Variants in MROH9 observed in about 807,000 individuals in gnomAD.
MROH9 encodes the protein maestro heat-like repeat-containing protein family member 9.
MROH9 carries 92 observed loss-of-function variants against 98.2 expected under a neutral mutation model. That is an observed-to-expected ratio of 0.94 (90% confidence interval 0.79 to 1.11). The LOEUF (loss-of-function observed/expected upper bound fraction) is 1.11, where lower values mean the gene tolerates loss of function less well. MROH9 is among the 50% of genes most tolerant of loss of function. MROH9 has a pLI of 0.00. For missense variants in MROH9, 1,057 were observed against 1,014.8 expected (o/e 1.04, Z -0.57); for synonymous variants, 397 against 368.9 (o/e 1.08, Z -0.87).
intron 20 of MROH9, among the ~76,000 whole-genome samples, chr1:171,037,407 A>C (rs758506883): frequency 1.3e-5 from 2 of 151,908 alleles, no homozygotes; most frequent in Non-Finnish European, 2.9e-5. Flanking sequence ...AAACTTTAAA[A>C]TACATGCAAT....
In MROH9 at chr1:170,983,537, A is replaced by T. The variant is rs770070716; in HGVS notation, c.729+3A>T. 3.7e-5 allele frequency: 58 copies of T among 1,561,842 alleles called. No individual in the cohort carries two copies. Among genetic ancestry groups the T allele is most frequent in the Non-Finnish European group, 4.9e-5 (56 of 1,133,956 alleles). ...AAGACGAAAGTAAAATAGCTCAGGTAACTTAGCCCCCACTTTTTCCGAGGG... is the reference window on the plus strand; with the variant it reads ...AAGACGAAAGTAAAATAGCTCAGGTTACTTAGCCCCCACTTTTTCCGAGGG... On this transcript the variant is annotated splice_donor_region_variant and intron_variant, in intron 9 of 21. Coordinates refer to ENST00000367759, the MANE Select transcript of MROH9 (RefSeq NM_001163629.2).
intron 3 of MROH9, among the ~76,000 whole-genome samples, chr1:170,957,030 T>TTG (rs1649791427): frequency 6.6e-6 from 1 of 151,230 alleles, no homozygotes. Flanking sequence ...TTTTTTTTTT[T>TTG]GCCATTGAAT....
chr1:170,999,768 T>G (rs781560893), intron 15 of MROH9, among the ~76,000 whole-genome samples: 1 of 152,180 alleles, frequency 6.6e-6, no homozygotes, highest in African/African-American at 2.4e-5. Flanking sequence ...CAGTTTTCCA[T>G]AGTGGCTGTA....
intron 20 of MROH9, among the ~76,000 whole-genome samples, chr1:171,051,819 T>C (rs561805854): frequency 1.6e-4 from 24 of 152,368 alleles, no homozygotes; most frequent in Admixed American, 6.5e-4. Flanking sequence ...ATTTTCTTTC[T>C]GTTTTGTACC....
chr1:171,024,842 T>C (rs1652654473), intron 19 of MROH9, 77 bp downstream of exon 19: 3 of 852,782 alleles, frequency 3.5e-6, no homozygotes, highest in Admixed American at 4.5e-5. Flanking sequence ...ATAAAAACTG[T>C]AATGGGGATA....
chr1:170,965,067 A>G (rs1425493406), intron 6 of MROH9, 84 bp from the exon 7 acceptor site: 1 of 877,278 alleles, frequency 1.1e-6, no homozygotes, highest in African/African-American at 1.7e-5. Flanking sequence ...GGAAGGCCTG[A>G]TTTGGTGAAG....
chr1:170,998,399 G>A (rs778799703), intron 15 of MROH9, 125 bp downstream of exon 15: 1 of 1,608,266 alleles, frequency 6.2e-7, no homozygotes, highest in Non-Finnish European at 8.5e-7. Flanking sequence ...TTAAGATCAT[G>A]AAAGATATCT....
At chr1:170,995,254 C>G (rs1209593576) in intron 12 of MROH9, 135 bp from the exon 13 acceptor site, 2 of 830,580 alleles carry the variant, frequency 2.4e-6, no homozygotes, top group Non-Finnish European at 3.9e-6. Flanking sequence ...GAATGGATAC[C>G]CATATGTGCT....
chr1:171,027,875 C>T (rs192905777), intron 20 of MROH9, among the ~76,000 whole-genome samples: 1 of 152,144 alleles, frequency 6.6e-6, no homozygotes, highest in Non-Finnish European at 1.5e-5. Flanking sequence ...CTATTCATAT[C>T]CTTTGCCCAC....
intron 17 of MROH9, among the ~76,000 whole-genome samples, chr1:171,020,411 C>T (rs1652478748): frequency 6.6e-6 from 1 of 152,140 alleles, no homozygotes; most frequent in African/African-American, 2.4e-5. Context: ...AAAACTTATC[C>T]ACCATGATCA....
intron 14 of MROH9, among the ~76,000 whole-genome samples, chr1:170,997,035 C>T (rs1299725958): frequency 1.3e-5 from 2 of 152,030 alleles, no homozygotes; most frequent in Non-Finnish European, 2.9e-5. Context: ...ACTCAACAAG[C>T]CAAATAAATT....
intron 20 of MROH9, among the ~76,000 whole-genome samples, chr1:171,047,017 A>G (rs1367463604): frequency 6.6e-6 from 1 of 152,166 alleles, no homozygotes. Flanking sequence ...GGGTTCCACT[A>G]AAAGTCTGCT....
At chr1:171,056,182 T>A (rs1653832265) in intron 20 of MROH9, among the ~76,000 whole-genome samples, 1 of 152,186 alleles carries the variant, frequency 6.6e-6, no homozygotes, top group African/African-American at 2.4e-5. Flanking sequence ...CCATTTGAGC[T>A]TCTTGGGAAA....
At chr1:171,054,816 C>T (rs111406351) in intron 20 of MROH9, among the ~76,000 whole-genome samples, 13,586 of 152,168 alleles carry the variant, frequency 0.089, 752 homozygotes, top group Middle Eastern at 0.22. Context: ...CCACCTTACT[C>T]CTGCAAGAAT....
intron 15 of MROH9, among the ~76,000 whole-genome samples, chr1:171,003,181 T>G (rs762961961): frequency 2.1e-4 from 32 of 152,210 alleles, no homozygotes; most frequent in Non-Finnish European, 4.6e-4. Flanking sequence ...CATTGGGCTT[T>G]GCCTTTCTCT....
At chr1:171,049,901 C>A (rs1226570052) in intron 20 of MROH9, among the ~76,000 whole-genome samples, 1 of 152,114 alleles carries the variant, frequency 6.6e-6, no homozygotes, top group Admixed American at 6.6e-5. Context: ...AGGCTGGTCT[C>A]AAACTCTTGG....
intron 21 of MROH9, among the ~76,000 whole-genome samples, chr1:171,063,597 A>T (rs948851654): frequency 3.3e-5 from 5 of 152,274 alleles, no homozygotes; most frequent in African/African-American, 9.6e-5. Context: ...ATATTTTTTT[A>T]AACTATCATA....
chr1:171,041,575 G>T (rs995208668), intron 20 of MROH9, among the ~76,000 whole-genome samples: 2 of 151,360 alleles, frequency 1.3e-5, no homozygotes, highest in East Asian at 3.9e-4. Flanking sequence ...GTTTTTCTTC[G>T]ATTAGATACC....
rs754332732 is a variant in MROH9 at position 171,044,972 on chromosome 1, C to CTTTTTTTTTTTTTTTTTTTTT, written c.2282-17133_2282-17113dup. On this transcript the variant is annotated intron_variant, in intron 20 of 21. Coordinates refer to ENST00000367759, the MANE Select transcript of MROH9 (RefSeq NM_001163629.2). ...CAATTCCATTTATTTCTGCTCTGAT[C>CTTTTTTTTTTTTTTTTTTTTT]TTTTTTTTTTTTTTTTTTTTTTTTT... 1.1e-3 allele frequency among the ~76,000 whole-genome samples: 49 copies of CTTTTTTTTTTTTTTTTTTTTT among 45,712 alleles called. 15 individuals are homozygous for CTTTTTTTTTTTTTTTTTTTTT. The highest frequency in any genetic ancestry group is 2.2e-3 in the Admixed American group (7 of 3,156). 30.0% of individuals were successfully genotyped at this position (45,712 alleles called of 152,430 possible). A position where few individuals can be genotyped will look rare whatever the true frequency, so the allele number is the denominator to read the frequency against.
Sources: allele counts gnomAD v4.1 joint callset (sites outside exome capture counted in the v4.1 genomes callset), GRCh38; gene constraint gnomAD v4.1.1; transcripts MANE v1.5; gene names NCBI Gene and HGNC (gene_info 2026-07-23, HGNC 2026-07-21).